CDH13: variants seen among roughly 807,000 people sequenced by gnomAD.
CDH13 encodes the protein cadherin-13.
Under a neutral mutation model 63.8 loss-of-function variants are expected in CDH13, and 24 were observed. The observed-to-expected ratio is 0.38, with a 90% CI of 0.27 to 0.53. CDH13 has a LOEUF of 0.53. Ranked by LOEUF, CDH13 falls within the 20% of genes least tolerant of loss-of-function variation. The pLI is 0.85. For synonymous variants in CDH13, 503 were observed against 355.3 expected (o/e 1.42, Z -4.67); for missense variants, 1,049 against 903.1 (o/e 1.16, Z -2.07).
intron 1 of CDH13, among the ~76,000 whole-genome samples, chr16:82,812,763 G>GT (rs146407577): frequency 0.011 from 1,697 of 150,050 alleles, 26 homozygotes; most frequent in African/African-American, 0.038. Context: ...AGAAAACAAA[G>GT]TTTTTTTTTT....
At position 82,725,125 on chromosome 16, in the gene CDH13, T is replaced by C. The variant is rs1053355009; in HGVS notation, c.45+97988T>C. ...GGTTGTGCGGATGGTGATGGTGATG[T>C]TGATGGTCATGGTGATGGTGATGAT... On this transcript the variant is annotated intron_variant, in intron 1 of 13. Coordinates refer to ENST00000567109, the MANE Select transcript of CDH13 (RefSeq NM_001257.5). Among the ~76,000 whole-genome samples the C allele has an allele frequency of 6.7e-4, 90 of 134,250 alleles. 1 individual carries two copies. The highest frequency in any genetic ancestry group is 2.4e-3 in the African/African-American group (88 of 36,422). The allele number at this position is 134,250 out of a possible 152,430, so 88.1% of individuals were successfully genotyped here.
intron 10 of CDH13, among the ~76,000 whole-genome samples, chr16:83,720,716 A>G (rs771838339): frequency 6.6e-6 from 1 of 152,128 alleles, no homozygotes; most frequent in Admixed American, 6.5e-5. Context: ...TGGCTTCCAT[A>G]CTCTGAGAAA....
At chr16:82,947,622 T>A (rs1405868284) in intron 2 of CDH13, among the ~76,000 whole-genome samples, 2 of 152,168 alleles carry the variant, frequency 1.3e-5, no homozygotes, top group African/African-American at 4.8e-5. Flanking sequence ...AGGAGGAAAC[T>A]TAACAAATTT....
chr16:83,205,390 C>T (rs965165958), intron 4 of CDH13, among the ~76,000 whole-genome samples: 2 of 152,084 alleles, frequency 1.3e-5, no homozygotes, highest in African/African-American at 4.8e-5. Flanking sequence ...TTGAATGACC[C>T]AAAGATGACT....
intron 7 of CDH13, among the ~76,000 whole-genome samples, chr16:83,561,301 C>G (rs1213580626): frequency 3.3e-5 from 5 of 151,524 alleles, no homozygotes; most frequent in Admixed American, 6.6e-5. Context: ...AAAAAATTAG[C>G]CAGGTGTGGT....
intron 8 of CDH13, among the ~76,000 whole-genome samples, chr16:83,648,526 T>A (rs990025046): frequency 6.6e-6 from 1 of 152,104 alleles, no homozygotes; most frequent in Non-Finnish European, 1.5e-5. Flanking sequence ...GAATGCTCAG[T>A]CTTTCTGCAG....
chr16:83,784,140 C>A (rs1915720459), intron 13 of CDH13, among the ~76,000 whole-genome samples: 2 of 152,152 alleles, frequency 1.3e-5, no homozygotes, highest in African/African-American at 2.4e-5. Context: ...CATCCAAAAG[C>A]CTTTTGGGCC....
chr16:83,237,880 G>T (rs991340382), intron 5 of CDH13, among the ~76,000 whole-genome samples: 2 of 152,204 alleles, frequency 1.3e-5, no homozygotes, highest in African/African-American at 2.4e-5. Flanking sequence ...TTTGGGTATT[G>T]ATAACTTATA....
At chr16:83,200,369 G>T (rs925690719) in intron 4 of CDH13, among the ~76,000 whole-genome samples, 1 of 152,140 alleles carries the variant, frequency 6.6e-6, no homozygotes, top group Admixed American at 6.6e-5. Flanking sequence ...CTCCTTTTCT[G>T]CTGGTCTTTA....
chr16:82,743,089 C>T (rs1407558766), intron 1 of CDH13, among the ~76,000 whole-genome samples: 1 of 152,170 alleles, frequency 6.6e-6, no homozygotes, highest in East Asian at 1.9e-4. Context: ...GTAGCGCCCA[C>T]AACACCTTTT....
intron 6 of CDH13, among the ~76,000 whole-genome samples, chr16:83,486,013 C>T (rs917301212): frequency 2.6e-5 from 4 of 152,116 alleles, no homozygotes; most frequent in Non-Finnish European, 5.9e-5. Context: ...CGTGATGACA[C>T]ACAACTGTAA....
At chr16:83,170,940 C>T (rs780393747) in intron 4 of CDH13, among the ~76,000 whole-genome samples, 1 of 152,084 alleles carries the variant, frequency 6.6e-6, no homozygotes, top group Non-Finnish European at 1.5e-5. Context: ...CTTCCATCGT[C>T]GCTATCCTCT....
intron 13 of CDH13, among the ~76,000 whole-genome samples, chr16:83,787,883 C>T (rs58908924): frequency 0.13 from 20,089 of 152,052 alleles, 1,874 homozygotes; most frequent in East Asian, 0.44. Context: ...GCAGAGGTTG[C>T]AGTGAGCCGA....
intron 7 of CDH13, among the ~76,000 whole-genome samples, chr16:83,487,610 G>A (rs965895612): frequency 6.6e-6 from 1 of 152,078 alleles, no homozygotes; most frequent in East Asian, 1.9e-4. Context: ...ACCAACTCGT[G>A]GATTCCTACC....
chr16:83,455,862 A>G (rs1472960829), intron 6 of CDH13, among the ~76,000 whole-genome samples: 1 of 152,206 alleles, frequency 6.6e-6, no homozygotes, highest in Admixed American at 6.5e-5. Flanking sequence ...CTGGAAACAA[A>G]TCACTAATTA....
At position 82,733,372 on chromosome 16, in the gene CDH13, TA is replaced by T. The variant is rs140679613; in HGVS notation, c.45+106244del. Among the ~76,000 whole-genome samples, 317 of 151,846 alleles carry T rather than the reference TA, an allele frequency of 2.1e-3. 2 individuals are homozygous for T. The highest frequency in any genetic ancestry group is 5.9e-3 in the African/African-American group (243 of 41,438). On this transcript the variant is annotated intron_variant, in intron 1 of 13. Coordinates refer to ENST00000567109, the MANE Select transcript of CDH13 (RefSeq NM_001257.5). ...CTTATTATAATTTATTTTTGCTATG[TA>T]AAAAAAAATCAAATGATCTATTGCG...
At chr16:82,640,587 C>T (rs771625371) in intron 1 of CDH13, among the ~76,000 whole-genome samples, 1 of 152,128 alleles carries the variant, frequency 6.6e-6, no homozygotes, top group Admixed American at 6.5e-5. Context: ...CTAGATTGGT[C>T]CTTCAGGCTG....
chr16:83,216,573 T>G (rs36172069), intron 4 of CDH13, among the ~76,000 whole-genome samples: 7,562 of 142,572 alleles, frequency 0.053, 214 homozygotes, highest in Middle Eastern at 0.08. Flanking sequence ...ATATGTAGGG[T>G]TTAATATATA....
intron 1 of CDH13, among the ~76,000 whole-genome samples, chr16:82,852,815 G>T (rs184084578): frequency 2.6e-5 from 4 of 152,296 alleles, no homozygotes; most frequent in Middle Eastern, 3.4e-3. Context: ...CTTGATGACA[G>T]ACTTCTCTGG....
Sources: gnomAD v4.1 joint callset for allele counts (sites outside exome capture counted in the v4.1 genomes callset) on GRCh38, gnomAD v4.1.1 for gene constraint, MANE v1.5 for transcripts, NCBI Gene and HGNC (gene_info 2026-07-23, HGNC 2026-07-21) for gene names.